PPP1R16B: variants seen among roughly 807,000 people sequenced by gnomAD.
PPP1R16B encodes protein phosphatase 1 regulatory subunit 16B, also known as protein phosphatase 1 regulatory inhibitor subunit 16B.
Under a neutral mutation model 61.7 loss-of-function variants are expected in PPP1R16B, and 14 were observed. The ratio of observed to expected loss-of-function variants is 0.23; its 90% CI spans 0.15 to 0.35. The LOEUF (loss-of-function observed/expected upper bound fraction) is 0.35, where lower values mean the gene tolerates loss of function less well. Ranked by LOEUF, PPP1R16B falls within the 10% of genes least tolerant of loss-of-function variation. The pLI, the probability that PPP1R16B is intolerant of heterozygous loss-of-function variation, is 1.00. For synonymous variants in PPP1R16B, 266 were observed against 305.3 expected (o/e 0.87, Z 1.34); for missense variants, 547 against 752.5 (o/e 0.73, Z 3.19).
At chr20:38,911,500 T>C (rs1044926711) in intron 10 of PPP1R16B, among the ~76,000 whole-genome samples, 1 of 151,558 alleles carries the variant, frequency 6.6e-6, no homozygotes, top group South Asian at 2.1e-4. Flanking sequence ...TAGAATTCGA[T>C]TGTTTGAATA....
chr20:38,814,186 A>C (rs1404174605), intron 1 of PPP1R16B, among the ~76,000 whole-genome samples: 2 of 152,186 alleles, frequency 1.3e-5, no homozygotes, highest in African/African-American at 4.8e-5. Flanking sequence ...ACAGCCAGTA[A>C]ATGGAAAAGT....
intron 3 of PPP1R16B, among the ~76,000 whole-genome samples, chr20:38,894,915 A>C (rs745615163): frequency 1.3e-5 from 2 of 152,216 alleles, no homozygotes; most frequent in Non-Finnish European, 2.9e-5. Flanking sequence ...GCATGTAGGC[A>C]GGAACACAAA....
At chr20:38,917,334 C>CT (rs1300366645) in intron 10 of PPP1R16B, among the ~76,000 whole-genome samples, 1 of 150,192 alleles carries the variant, frequency 6.7e-6, no homozygotes, top group Non-Finnish European at 1.5e-5. Context: ...GCTCTTTATA[C>CT]TTTTAGAAAA....
rs917033567 is a variant in PPP1R16B, at chr20:38,900,802, A to G, written c.571+118A>G. 4.6e-5 allele frequency: 31 copies of G among 668,966 alleles called. 1 individual carries two copies. The Middle Eastern group carries it at 1.8e-3, about 40-fold the overall frequency. The allele number at this position is 668,966 out of a possible 1,614,324, so 41.4% of individuals were successfully genotyped here. Reference sequence around the variant, plus strand: ...TCGGCCTGCCTCGTGCGCTGTGCTCAGTGAATAGGATGGGTCCCCATTCAT... The same window carrying G: ...TCGGCCTGCCTCGTGCGCTGTGCTCGGTGAATAGGATGGGTCCCCATTCAT... On this transcript the variant is annotated intron_variant, in intron 5 of 10. Coordinates refer to ENST00000299824, the MANE Select transcript of PPP1R16B (RefSeq NM_015568.4).
chr20:38,897,732 T>C (rs2085360565), intron 4 of PPP1R16B, among the ~76,000 whole-genome samples: 1 of 152,248 alleles, frequency 6.6e-6, no homozygotes, highest in African/African-American at 2.4e-5. Context: ...GGATTCTAGT[T>C]TCTCCACATC....
chr20:38,819,117 G>A (rs1172787607), intron 1 of PPP1R16B, among the ~76,000 whole-genome samples: 1 of 152,002 alleles, frequency 6.6e-6, no homozygotes, highest in Non-Finnish European at 1.5e-5. Flanking sequence ...ATAAAAAAGA[G>A]CATGGGCTTC....
At position 38,902,674 on chromosome 20, in the gene PPP1R16B, C is replaced by A. The variant is rs1419366652; in HGVS notation, c.578C>A (p.Thr193Asn). 3.1e-6 allele frequency: 5 copies of A among 1,614,180 alleles called. No individual in the cohort carries two copies. Among genetic ancestry groups the A allele is most frequent in the Non-Finnish European group, 3.4e-6 (4 of 1,180,028 alleles). Residue 193 changes from threonine to asparagine, a missense_variant, in exon 6 of 11, where the codon ACC (threonine) becomes AAC (asparagine). By Grantham distance (65) the Thr-to-Asn change is moderately conservative. Transcript: ENST00000299824. ...IETCMAYQGITQEKINEMRVA... is the reference protein window; with the variant it reads ...IETCMAYQGINQEKINEMRVA... ...CCCCTCTTTCCCACTGCAGGCATCA[C>A]CCAAGAGAAAATCAACGAGATGCGG... is the stretch of plus-strand genomic sequence containing the variant.
chr20:38,888,028 G>GT (rs1233054584), intron 2 of PPP1R16B, among the ~76,000 whole-genome samples: 1 of 152,174 alleles, frequency 6.6e-6, no homozygotes, highest in African/African-American at 2.4e-5. Context: ...TGCTGACTGG[G>GT]TTTTTTTGTC....
At chr20:38,899,080 G>T (rs988609887) in intron 4 of PPP1R16B, among the ~76,000 whole-genome samples, 1 of 152,186 alleles carries the variant, frequency 6.6e-6, no homozygotes, top group Non-Finnish European at 1.5e-5. Context: ...GTAACCTTTT[G>T]CACTGGTCTT....
intron 1 of PPP1R16B, among the ~76,000 whole-genome samples, chr20:38,808,755 G>A (rs1050013648): frequency 6.6e-6 from 1 of 152,016 alleles, no homozygotes; most frequent in African/African-American, 2.4e-5. Flanking sequence ...GTACTAGGGT[G>A]GAGCATAGTG....
Position 38,867,786 on chromosome 20 carries a change from C to T in PPP1R16B, c.251-21809C>T, listed in dbSNP as rs572084282. ...CTCCTGGGTTCAAGCAATTCTCCTACCTCAGCCTCCCGAGTAGCTGGGATT... is the reference window on the plus strand; with the variant it reads ...CTCCTGGGTTCAAGCAATTCTCCTATCTCAGCCTCCCGAGTAGCTGGGATT... On this transcript the variant is annotated intron_variant, in intron 2 of 10. Coordinates refer to ENST00000299824, the MANE Select transcript of PPP1R16B (RefSeq NM_015568.4). Among the ~76,000 whole-genome samples, 9 of 152,200 alleles carry T rather than the reference C, an allele frequency of 5.9e-5. No homozygotes were observed. In the South Asian group the frequency reaches 1.9e-3, roughly 32 times the overall value.
rs754093917 is a variant in PPP1R16B, at chr20:38,922,875, G to C, written c.*4209G>C. ...ACTTCCACGTAGCCCCTTGCCACGC[G>C]GCACCGGTGGGCCTTGGGTCCAAAA... On this transcript the variant is annotated 3_prime_UTR_variant, in exon 11 of 11. Coordinates refer to ENST00000299824, the MANE Select transcript of PPP1R16B (RefSeq NM_015568.4). 1 of 152,362 alleles carries C rather than the reference G, an allele frequency of 6.6e-6. No individual in the cohort carries two copies. Among genetic ancestry groups the C allele is most frequent in the Non-Finnish European group, 1.5e-5 (1 of 68,044 alleles). The allele number at this position is 152,362 out of a possible 1,614,324, so 9.4% of individuals were successfully genotyped here. A position where few individuals can be genotyped will look rare whatever the true frequency, so the allele number is the denominator to read the frequency against.
intron 1 of PPP1R16B, among the ~76,000 whole-genome samples, chr20:38,834,775 A>G (rs531668614): frequency 6.6e-6 from 1 of 152,224 alleles, no homozygotes; most frequent in Admixed American, 6.5e-5. Context: ...GATATATTAT[A>G]ACAATATAAT....
chr20:38,885,242 G>C (rs906608622), intron 2 of PPP1R16B, among the ~76,000 whole-genome samples: 3 of 151,936 alleles, frequency 2.0e-5, no homozygotes, highest in Admixed American at 6.6e-5. Context: ...AGAGCAGAAT[G>C]GAGCCACGAG....
At chr20:38,876,422 T>C (rs886952226) in intron 2 of PPP1R16B, among the ~76,000 whole-genome samples, 4 of 152,204 alleles carry the variant, frequency 2.6e-5, no homozygotes, top group Non-Finnish European at 5.9e-5. Context: ...AAAACAGCCA[T>C]AGGCAATGCA....
intron 1 of PPP1R16B, among the ~76,000 whole-genome samples, chr20:38,815,124 T>A (rs2084727084): frequency 6.6e-6 from 1 of 152,222 alleles, no homozygotes; most frequent in African/African-American, 2.4e-5. Flanking sequence ...TATATAAGTG[T>A]ATCATAAGTA....
chr20:38,822,468 C>T (rs941906636), intron 1 of PPP1R16B, among the ~76,000 whole-genome samples: 1 of 147,494 alleles, frequency 6.8e-6, no homozygotes, highest in Non-Finnish European at 1.5e-5. Flanking sequence ...CCAGTTTCTA[C>T]TTGCTTGTAG....
intron 2 of PPP1R16B, among the ~76,000 whole-genome samples, chr20:38,873,620 C>G (rs552239060): frequency 1.3e-5 from 2 of 152,242 alleles, no homozygotes; most frequent in South Asian, 4.1e-4. Context: ...ACGCTGTTGG[C>G]AGGAGGCCTC....
intron 6 of PPP1R16B, 86 bp downstream of exon 6, chr20:38,902,878 G>C: frequency 1.9e-6 from 3 of 1,580,182 alleles, no homozygotes; most frequent in Non-Finnish European, 1.7e-6. Context: ...TGTACCCTTG[G>C]GGCCTGTCTG....
Sources: allele counts gnomAD v4.1 joint callset (sites outside exome capture counted in the v4.1 genomes callset), GRCh38; gene constraint gnomAD v4.1.1; transcripts MANE v1.5; gene names NCBI Gene and HGNC (gene_info 2026-07-23, HGNC 2026-07-21).